Variants in PPIL2 observed in about 807,000 individuals in gnomAD.
PPIL2 encodes the protein RING-type E3 ubiquitin-protein ligase PPIL2.
In PPIL2, 50 loss-of-function variants were observed where a neutral mutation model predicts 75.2. That is an observed-to-expected ratio of 0.66 (90% confidence interval 0.53 to 0.84). The LOEUF is 0.84. PPIL2 is among the 40% of genes least tolerant of loss of function. The pLI is 0.00. For missense variants in PPIL2, 590 were observed against 685.0 expected (o/e 0.86, Z 1.55); for synonymous variants, 245 against 258.8 (o/e 0.95, Z 0.51).
In PPIL2 at chr22:21,696,630, T is replaced by C. The variant is rs983386296; in HGVS notation, c.*1140T>C. On this transcript the variant is annotated 3_prime_UTR_variant, in exon 20 of 20. Transcript: ENST00000398831. Reference sequence around the variant, plus strand: ...ACTCTCCTTGCCTGACACTTGCCTCTTGGGCTCCCTGTTGCCCTCAGGCCA... The same window carrying C: ...ACTCTCCTTGCCTGACACTTGCCTCCTGGGCTCCCTGTTGCCCTCAGGCCA... 6.0e-6 allele frequency: 9 copies of C among 1,504,224 alleles called. No homozygotes were observed. The Admixed American group carries it at 1.4e-4, about 24-fold the overall frequency. 93.2% of individuals were successfully genotyped at this position (1,504,224 alleles called of 1,614,324 possible).
At chr22:21,682,675 T>G in intron 8 of PPIL2, 149 bp downstream of exon 8, 1 of 587,178 alleles carries the variant, frequency 1.7e-6, no homozygotes, top group Non-Finnish European at 2.9e-6. Context: ...CAGGCCTGGC[T>G]CTGCTTCAGC....
At position 21,693,838 on chromosome 22, in the gene PPIL2, G is replaced by A. The variant is rs773010944; in HGVS notation, c.1162G>A (p.Ala388Thr). 2.9e-5 allele frequency: 45 copies of A among 1,547,760 alleles called. 1 individual carries two copies. In the South Asian group the frequency reaches 4.8e-4, roughly 16 times the overall value. Residue 388 changes from alanine (A) to threonine (T), a missense_variant, in exon 16 of 20, where the codon GCC (alanine) becomes ACC (threonine). Physicochemically the swap from Ala to Thr is moderately conservative, Grantham distance 58. Transcript: ENST00000398831. ...CAGCTTCATCACGTTTCGCTCCTGT[G>A]CCTACCTGGACAAGAAGCATACCAT... The part of the protein sequence containing the change: ...SQFFITFRSC[A>T]YLDKKHTIFG...
intron 3 of PPIL2, 69 bp downstream of exon 3, chr22:21,670,680 C>T: frequency 6.7e-7 from 1 of 1,487,620 alleles, no homozygotes; most frequent in Non-Finnish European, 9.4e-7. Context: ...TGAATCTGCC[C>T]CTTGTGGATG....
chr22:21,697,278 A>AC lies in PPIL2; in HGVS notation c.*1788_*1789insC. On this transcript the variant is annotated 3_prime_UTR_variant, in exon 20 of 20. Transcript: ENST00000398831. The stretch of plus-strand genomic sequence containing the variant: ...GTACAGGTGCGGGTGGTGGGGATGA[A>AC]GGCCTGACCAGGGAGGGAGAAGCAG... 2.5e-6 allele frequency: 1 copy of AC among 401,806 alleles called. No homozygotes were observed. The allele number at this position is 401,806 out of a possible 1,614,324, so 24.9% of individuals were successfully genotyped here.
chr22:21,689,990 G>A (rs887430857), intron 15 of PPIL2, among the ~76,000 whole-genome samples: 5 of 152,160 alleles, frequency 3.3e-5, no homozygotes, highest in South Asian at 2.1e-4. Flanking sequence ...ACGTGGTCTC[G>A]GTTGTGTGGA....
At position 21,696,450 on chromosome 22, in the gene PPIL2, G is replaced by C. The variant is rs1419895302; in HGVS notation, c.*960G>C. ...TGGGCTCCAAGACTCTGCTCCTCCTGTCAGTCACTGACTCTGATGGCCTTG... is the reference window on the plus strand; with the variant it reads ...TGGGCTCCAAGACTCTGCTCCTCCTCTCAGTCACTGACTCTGATGGCCTTG... On this transcript the variant is annotated 3_prime_UTR_variant, in exon 20 of 20. Coordinates refer to ENST00000398831, the MANE Select transcript of PPIL2 (RefSeq NM_014337.4). 1 of 1,198,626 alleles carries C rather than the reference G, an allele frequency of 8.3e-7. No individual in the cohort carries two copies. Among genetic ancestry groups the C allele is most frequent in the African/African-American group, 1.6e-5 (1 of 63,202 alleles). The allele number at this position is 1,198,626 out of a possible 1,614,324, so 74.2% of individuals were successfully genotyped here.
chr22:21,683,492 G>C (rs1415772641), intron 9 of PPIL2, among the ~76,000 whole-genome samples: 3 of 152,260 alleles, frequency 2.0e-5, no homozygotes, highest in African/African-American at 7.2e-5. Flanking sequence ...GCTCCCTGCA[G>C]ACTGGCCGGT....
In PPIL2 at chr22:21,695,398, C is replaced by A. The variant is rs749735621; in HGVS notation, c.1471C>A (p.Arg491=). The change falls in exon 20 of 20, where the codon CGA becomes AGA. Residue 491 remains arginine (R), a synonymous_variant. Transcript: ENST00000398831. The part of the protein sequence containing the change: ...GKYINPAATK[R]AAEEEPSTSA... ...AGCGGCTTCTTCTCTTCCCAGGAAG[C>A]GAGCAGCAGAGGAAGAGCCCTCAAC... 6.2e-7 allele frequency: 1 copy of A among 1,606,484 alleles called. No individual in the cohort carries two copies. Among genetic ancestry groups the A allele is most frequent in the Non-Finnish European group, 8.5e-7 (1 of 1,176,572 alleles).
At position 21,694,658 on chromosome 22, in the gene PPIL2, G is replaced by A. The variant is rs143876798; in HGVS notation, c.1262G>A (p.Arg421His). 32 of 1,613,956 alleles carry A rather than the reference G, an allele frequency of 2.0e-5. No individual in the cohort carries two copies. Among genetic ancestry groups the A allele is most frequent in the Non-Finnish European group, 2.5e-5 (30 of 1,180,022 alleles). ...ENVESDPKTD[R>H]PKEEIRIDAT... ...GTGGAGAGTGACCCCAAAACTGACC[G>A]CCCTAAGGTCTGTGCCCAGGGAGGT... Residue 421 changes from arginine (R) to histidine (H), a missense_variant, in exon 17 of 20, where the codon CGC becomes CAC. Physicochemically the swap from Arg to His is conservative, Grantham distance 29. Coordinates refer to ENST00000398831, the MANE Select transcript of PPIL2 (RefSeq NM_014337.4).
chr22:21,691,305 C>CT (rs1224310387), intron 15 of PPIL2, among the ~76,000 whole-genome samples: 2 of 152,106 alleles, frequency 1.3e-5, no homozygotes, highest in African/African-American at 4.8e-5. Flanking sequence ...AAAGGTTTGC[C>CT]TATTTTACCG....
intron 3 of PPIL2, 98 bp from the exon 4 acceptor site, chr22:21,670,898 CT>C: frequency 8.1e-7 from 1 of 1,229,628 alleles, no homozygotes; most frequent in Non-Finnish European, 1.2e-6. Context: ...AGAGGGCTCC[CT>C]GGGACAGCAT....
At chr22:21,685,086 G>A (rs776989042) in intron 10 of PPIL2, among the ~76,000 whole-genome samples, 173 bp downstream of exon 10, 9 of 152,260 alleles carry the variant, frequency 5.9e-5, no homozygotes, top group Non-Finnish European at 1.2e-4. Flanking sequence ...GCACAGCCCT[G>A]GGGCTGCCCT....
At chr22:21,692,346 G>T (rs983537893) in intron 15 of PPIL2, among the ~76,000 whole-genome samples, 1 of 151,388 alleles carries the variant, frequency 6.6e-6, no homozygotes, top group Non-Finnish European at 1.5e-5. Context: ...AGTAGAGATG[G>T]GGTTTCACCG....
intron 3 of PPIL2, 176 bp from the exon 4 acceptor site, chr22:21,670,821 G>A: frequency 8.3e-6 from 7 of 847,034 alleles, no homozygotes; most frequent in Non-Finnish European, 1.4e-5. Flanking sequence ...TTCACCAGGG[G>A]TGGCACAAAC....
rs965134745 is a variant in PPIL2, at chr22:21,697,419, C to T, written c.*1929C>T. 5 of 189,442 alleles carry T rather than the reference C, an allele frequency of 2.6e-5. No homozygotes were observed. The highest frequency in any genetic ancestry group is 5.5e-5 in the Non-Finnish European group (5 of 90,450). The allele number at this position is 189,442 out of a possible 1,614,324, so 11.7% of individuals were successfully genotyped here. On this transcript the variant is annotated 3_prime_UTR_variant, in exon 20 of 20. Coordinates refer to ENST00000398831, the MANE Select transcript of PPIL2 (RefSeq NM_014337.4). ...TGGGGGCAGAGAAGTAGGACCAGGC[C>T]ATCCTTGGCTCCAGAGCTCGAAGAC... is the stretch of plus-strand genomic sequence containing the variant.
intron 6 of PPIL2, among the ~76,000 whole-genome samples, chr22:21,675,940 AG>A (rs1316079393): frequency 1.3e-5 from 2 of 152,202 alleles, no homozygotes; most frequent in Non-Finnish European, 2.9e-5. Flanking sequence ...TGAGTTGTGC[AG>A]CCCACCCCTG....
chr22:21,670,329 G>C (rs1429080176), intron 2 of PPIL2: 4 of 1,505,298 alleles, frequency 2.7e-6, no homozygotes, highest in African/African-American at 2.8e-5. Context: ...ACAATAACAA[G>C]AGCACTGTCA....
At position 21,696,040 on chromosome 22, in the gene PPIL2, A is replaced by G. The variant is rs911889594; in HGVS notation, c.*550A>G. 7 of 619,816 alleles carry G rather than the reference A, an allele frequency of 1.1e-5. No individual in the cohort carries two copies. Among genetic ancestry groups the G allele is most frequent in the Non-Finnish European group, 1.4e-5 (7 of 491,516 alleles). The allele number at this position is 619,816 out of a possible 1,614,324, so 38.4% of individuals were successfully genotyped here. A position where few individuals can be genotyped will look rare whatever the true frequency, so the allele number is the denominator to read the frequency against. The stretch of plus-strand genomic sequence containing the variant: ...TCTGTCATCTTCTCAGGGACAGCCT[A>G]TTTATACAACCAGTGTGGTCCCCTG... On this transcript the variant is annotated 3_prime_UTR_variant, in exon 20 of 20. Coordinates refer to ENST00000398831, the MANE Select transcript of PPIL2 (RefSeq NM_014337.4).
Position 21,686,940 on chromosome 22 carries a change from G to A in PPIL2, c.839G>A (p.Gly280Asp). ...VLRYQFVKKK[G>D]YVRLHTNKGD... is the part of the protein sequence containing the mutation. Reference sequence around the variant, plus strand: ...CGCTACCAGTTTGTGAAGAAGAAGGGCTACGTGCGGCTGCACACCAACAAG... The same window carrying A: ...CGCTACCAGTTTGTGAAGAAGAAGGACTACGTGCGGCTGCACACCAACAAG... Residue 280 changes from glycine (G) to aspartate (D), a missense_variant, in exon 12 of 20, where the codon GGC becomes GAC. Physicochemically the swap from Gly to Asp is moderately conservative, Grantham distance 94. Coordinates refer to ENST00000398831, the MANE Select transcript of PPIL2 (RefSeq NM_014337.4). The A allele has an allele frequency of 6.2e-7, 1 of 1,614,052 alleles. No homozygotes were observed. The highest frequency in any genetic ancestry group is 8.5e-7 in the Non-Finnish European group (1 of 1,180,012).
Sources: gnomAD v4.1 joint callset for allele counts (sites outside exome capture counted in the v4.1 genomes callset) on GRCh38, gnomAD v4.1.1 for gene constraint, MANE v1.5 for transcripts, NCBI Gene and HGNC (gene_info 2026-07-23, HGNC 2026-07-21) for gene names.